DENND5B: variants seen among roughly 807,000 people sequenced by gnomAD.
DENND5B encodes the protein DENN domain-containing protein 5B.
DENND5B carries 34 observed loss-of-function variants against 140.6 expected under a neutral mutation model. The ratio of observed to expected loss-of-function variants is 0.24; its 90% confidence interval spans 0.18 to 0.32. The LOEUF (loss-of-function observed/expected upper bound fraction) is 0.32. Among genes scored for constraint, DENND5B ranks in the 10% least tolerant of loss-of-function variants. The pLI is 1.00. For synonymous variants in DENND5B, 551 were observed against 562.1 expected (o/e 0.98, Z 0.28); for missense variants, 1,142 against 1,560.2 (o/e 0.73, Z 4.52).
At chr12:31,485,920 G>A (rs564050930) in intron 2 of DENND5B, among the ~76,000 whole-genome samples, 1 of 152,316 alleles carries the variant, frequency 6.6e-6, no homozygotes, top group Non-Finnish European at 1.5e-5. Context: ...GTGAGTGGGT[G>A]AGCTTTCAGA....
chr12:31,399,819 T>C lies in DENND5B; in HGVS notation c.2950-47A>G, dbSNP rs775820974. 12 of 1,453,454 alleles carry C rather than the reference T, an allele frequency of 8.3e-6. No individual in the cohort carries two copies. In the East Asian group the frequency reaches 9.2e-5, roughly 11 times the overall value. 90.0% of individuals were successfully genotyped at this position (1,453,454 alleles called of 1,614,324 possible). On this transcript the variant is annotated intron_variant, in intron 15 of 20. Transcript: ENST00000389082. ...TTATTTAGTACCCAATCCCATCCTG[T>C]TACATCTCAGCTTTACAGGTACTTT... is the stretch of plus-strand genomic sequence containing the variant.
At chr12:31,488,131 ATT>A (rs68139114) in intron 2 of DENND5B, among the ~76,000 whole-genome samples, 231 of 135,368 alleles carry the variant, frequency 1.7e-3, no homozygotes, top group East Asian at 1.7e-3. Context: ...ATACCCGGCT[ATT>A]TTTTTTTTTT....
At chr12:31,394,452 T>C (rs937312859) in intron 17 of DENND5B, among the ~76,000 whole-genome samples, 13 of 152,314 alleles carry the variant, frequency 8.5e-5, no homozygotes, top group East Asian at 3.9e-4. Context: ...TTAGGATGGA[T>C]TGAGCTGAAA....
chr12:31,516,259 T>G (rs1390757192), intron 1 of DENND5B, among the ~76,000 whole-genome samples: 1 of 152,088 alleles, frequency 6.6e-6, no homozygotes, highest in African/African-American at 2.4e-5. Flanking sequence ...GCAGATCACT[T>G]GAGCCCACGA....
chr12:31,427,603 CT>C, intron 8 of DENND5B, among the ~76,000 whole-genome samples: 1 of 91,054 alleles, frequency 1.1e-5, no homozygotes, highest in South Asian at 3.2e-4. Flanking sequence ...AAGACTCCAT[CT>C]CAAAAAAAAA....
chr12:31,516,997 A>G (rs1947681383), intron 1 of DENND5B, among the ~76,000 whole-genome samples: 1 of 139,224 alleles, frequency 7.2e-6, no homozygotes, highest in African/African-American at 2.6e-5. Context: ...AATAATTAAC[A>G]CTGTGTGTAG....
chr12:31,413,577 G>A lies in DENND5B; in HGVS notation c.2553-13C>T, dbSNP rs775625308. On this transcript the variant is annotated splice_polypyrimidine_tract_variant and intron_variant, in intron 12 of 20. Transcript: ENST00000389082. ...GTTTTGAATATGCCTAAAGAATAGTGGCAACAGCAAAGATGTAGATTTTAA... is the reference window on the plus strand; with the variant it reads ...GTTTTGAATATGCCTAAAGAATAGTAGCAACAGCAAAGATGTAGATTTTAA... 6.2e-7 allele frequency: 1 copy of A among 1,605,724 alleles called. No homozygotes were observed. Among genetic ancestry groups the A allele is most frequent in the East Asian group, 2.2e-5 (1 of 44,676 alleles).
At chr12:31,416,298 TCTGTTGCC>T (rs1468938176) in intron 11 of DENND5B, among the ~76,000 whole-genome samples, 9 of 152,090 alleles carry the variant, frequency 5.9e-5, no homozygotes, top group South Asian at 2.1e-4. Context: ...GCTCTGTTGC[TCTGTTGCC>T]AGGCTGAAGT....
chr12:31,504,064 A>G (rs1431092326), intron 1 of DENND5B, among the ~76,000 whole-genome samples: 1 of 152,194 alleles, frequency 6.6e-6, no homozygotes, highest in African/African-American at 2.4e-5. Flanking sequence ...AAGTCCAATT[A>G]ACTTCAGTTT....
At chr12:31,415,112 C>T (rs568694011) in intron 12 of DENND5B, among the ~76,000 whole-genome samples, 8 of 151,834 alleles carry the variant, frequency 5.3e-5, no homozygotes, top group Non-Finnish European at 8.8e-5. Flanking sequence ...AAGACCCTGT[C>T]GCAAAAGTAA....
At chr12:31,464,999 T>C (rs182752642) in intron 3 of DENND5B, 76 of 152,296 alleles carry the variant, frequency 5.0e-4, no homozygotes, top group African/African-American at 1.7e-3. Context: ...AAGTAGACAT[T>C]AAAAAATTAT....
At chr12:31,449,740 T>TGTTTTTC (rs1944427766) in intron 5 of DENND5B, among the ~76,000 whole-genome samples, 3 of 146,008 alleles carry the variant, frequency 2.1e-5, no homozygotes, top group East Asian at 4.0e-4. Flanking sequence ...AGTTTTTTTT[T>TGTTTTTC]TTTTTTTTTG....
At chr12:31,562,389 C>G (rs1196427523) in intron 1 of DENND5B, among the ~76,000 whole-genome samples, 1 of 152,164 alleles carries the variant, frequency 6.6e-6, no homozygotes, top group East Asian at 1.9e-4. Context: ...GCAGGCGGAT[C>G]ACCTGAGATC....
At chr12:31,433,560 G>A (rs965666462) in intron 7 of DENND5B, among the ~76,000 whole-genome samples, 1 of 152,044 alleles carries the variant, frequency 6.6e-6, no homozygotes, top group Non-Finnish European at 1.5e-5. Context: ...AATCTTAACC[G>A]AGTTAGTCCT....
At chr12:31,397,183 A>AT (rs1445215362) in intron 17 of DENND5B, among the ~76,000 whole-genome samples, 1 of 152,024 alleles carries the variant, frequency 6.6e-6, no homozygotes, top group African/African-American at 2.4e-5. Context: ...CCTTTATAGT[A>AT]TTTTGTTTCA....
At chr12:31,511,845 A>C (rs1947429479) in intron 1 of DENND5B, among the ~76,000 whole-genome samples, 1 of 151,748 alleles carries the variant, frequency 6.6e-6, no homozygotes, top group African/African-American at 2.4e-5. Context: ...TAGCTTTGAA[A>C]ATGATTCATT....
At chr12:31,423,448 A>G (rs971608101) in intron 11 of DENND5B, 149 bp downstream of exon 11, 15 of 719,156 alleles carry the variant, frequency 2.1e-5, no homozygotes, top group Non-Finnish European at 3.4e-5. Flanking sequence ...TCTCACAGTT[A>G]GTAAGTAATA....
chr12:31,445,198 T>C (rs539035086), intron 6 of DENND5B, among the ~76,000 whole-genome samples: 1 of 152,310 alleles, frequency 6.6e-6, no homozygotes, highest in Admixed American at 6.5e-5. Flanking sequence ...GGCATAATTG[T>C]ATAAAATAAG....
chr12:31,495,948 T>C, intron 1 of DENND5B, 29 bp from the exon 2 acceptor site: 1 of 1,481,746 alleles, frequency 6.7e-7, no homozygotes, highest in Non-Finnish European at 9.2e-7. Context: ...AGTTAATATC[T>C]AGAACTTTTC....
Sources: allele counts gnomAD v4.1 joint callset (sites outside exome capture counted in the v4.1 genomes callset), GRCh38; gene constraint gnomAD v4.1.1; transcripts MANE v1.5; gene names NCBI Gene and HGNC (gene_info 2026-07-23, HGNC 2026-07-21).